CFAP144: variants seen among roughly 807,000 people sequenced by gnomAD.
CFAP144 encodes cilia- and flagella-associated protein 144.
At chr1:43,145,256 G>A in the CFAP144 span, 2 of 1,550,032 alleles carry the variant, frequency 1.3e-6, no homozygotes, top group Non-Finnish European at 1.7e-6. Flanking sequence ...AGAATGAAGA[G>A]GAGAGTGAAG....
chr1:43,151,558 G>A, the CFAP144 span, among the ~76,000 whole-genome samples: 3 of 152,310 alleles, frequency 2.0e-5, no homozygotes, highest in South Asian at 2.1e-4. Flanking sequence ...AGGACATTCC[G>A]AGTTCTATAG....
chr1:43,150,333 T>C, the CFAP144 span, among the ~76,000 whole-genome samples: 1 of 152,222 alleles, frequency 6.6e-6, no homozygotes, highest in Non-Finnish European at 1.5e-5. Flanking sequence ...CATAGATCAC[T>C]GCCTGGCAAA....
chr1:43,150,720 GT>G, the CFAP144 span: 56 of 1,557,676 alleles, frequency 3.6e-5, no homozygotes, highest in Admixed American at 1.7e-4. Flanking sequence ...GGGAACTCAT[GT>G]TTTAATCTGA....
chr1:43,155,642 A>T, the CFAP144 span, among the ~76,000 whole-genome samples: 3 of 152,210 alleles, frequency 2.0e-5, no homozygotes, highest in African/African-American at 7.2e-5. Flanking sequence ...CTTCAGAATG[A>T]AGTAGCTGGG....
At chr1:43,144,468 C>A in the CFAP144 span, among the ~76,000 whole-genome samples, 2 of 152,102 alleles carry the variant, frequency 1.3e-5, no homozygotes, top group African/African-American at 4.8e-5. Flanking sequence ...GAATGACAAG[C>A]AAGCTACCTC....
chr1:43,145,079 G>T, the CFAP144 span: 15 of 606,026 alleles, frequency 2.5e-5, no homozygotes, highest in East Asian at 4.2e-4. Flanking sequence ...CTCCATTCCC[G>T]TCTGGGCAAT....
chr1:43,151,979 C>A, the CFAP144 span, among the ~76,000 whole-genome samples: 1 of 152,174 alleles, frequency 6.6e-6, no homozygotes, highest in East Asian at 1.9e-4. Context: ...TGCTCGCTCT[C>A]TTATATGAAG....
chr1:43,152,719 A>T, the CFAP144 span: 1 of 1,243,526 alleles, frequency 8.0e-7, no homozygotes, highest in Non-Finnish European at 1.1e-6. Context: ...CAAACCTCCA[A>T]GGCACAGATG....
the CFAP144 span, chr1:43,156,285 G>A: frequency 1.6e-3 from 2,537 of 1,613,990 alleles, 8 homozygotes; most frequent in Non-Finnish European, 2.0e-3. Context: ...GCTAAAACGT[G>A]GGGCTTAGGA....
At chr1:43,143,076 C>A in the CFAP144 span, among the ~76,000 whole-genome samples, 1 of 151,946 alleles carries the variant, frequency 6.6e-6, no homozygotes, top group Non-Finnish European at 1.5e-5. Context: ...TATAGTACAC[C>A]ATAGGTAGTT....
At chr1:43,148,614 C>T in the CFAP144 span, among the ~76,000 whole-genome samples, 2 of 152,156 alleles carry the variant, frequency 1.3e-5, no homozygotes, top group South Asian at 2.1e-4. Context: ...AACCACCTCA[C>T]AGCTCCCCTC....
At chr1:43,146,462 G>A in the CFAP144 span, among the ~76,000 whole-genome samples, 2 of 152,102 alleles carry the variant, frequency 1.3e-5, no homozygotes, top group African/African-American at 4.8e-5. Flanking sequence ...ATTAGAAAAA[G>A]ATGTCTTAAA....
At chr1:43,148,054 AC>A in the CFAP144 span, 1 of 1,611,130 alleles carries the variant, frequency 6.2e-7, no homozygotes, top group Middle Eastern at 1.7e-4. Context: ...GAAACTCTAC[AC>A]GCAGTATCAC....
At chr1:43,154,631 C>T in the CFAP144 span, among the ~76,000 whole-genome samples, 15 of 151,842 alleles carry the variant, frequency 9.9e-5, no homozygotes, top group Non-Finnish European at 2.2e-4. Flanking sequence ...TATTCAATGA[C>T]TGTTAAAAAC....
the CFAP144 span, among the ~76,000 whole-genome samples, chr1:43,155,141 A>G: frequency 6.6e-6 from 1 of 152,258 alleles, no homozygotes; most frequent in African/African-American, 2.4e-5. Context: ...AGTAGAGTTC[A>G]TTCAAGGAAA....
the CFAP144 span, chr1:43,147,852 G>C: frequency 1.9e-6 from 3 of 1,554,204 alleles, no homozygotes; most frequent in Non-Finnish European, 2.6e-6. Flanking sequence ...GAGCGCTGTT[G>C]CCTGGAGACC....
the CFAP144 span, among the ~76,000 whole-genome samples, chr1:43,151,515 G>A: frequency 2.6e-5 from 4 of 152,314 alleles, 1 homozygote; most frequent in Admixed American, 6.5e-5. Flanking sequence ...CTTGGAGGAG[G>A]CGACCACAGG....
At chr1:43,150,353 C>T in the CFAP144 span, among the ~76,000 whole-genome samples, 3 of 152,200 alleles carry the variant, frequency 2.0e-5, no homozygotes, top group Middle Eastern at 3.2e-3. Flanking sequence ...ACCTCTTTGG[C>T]CTTCCCCATA....
the CFAP144 span, among the ~76,000 whole-genome samples, chr1:43,154,793 G>A: frequency 1.3e-5 from 2 of 151,972 alleles, no homozygotes; most frequent in East Asian, 1.9e-4. Flanking sequence ...GCCTGGCCTC[G>A]ACTCTGATTA....
Sources: gnomAD v4.1 joint callset for allele counts (sites outside exome capture counted in the v4.1 genomes callset) on GRCh38, gnomAD v4.1.1 for gene constraint, MANE v1.5 for transcripts, NCBI Gene and HGNC (gene_info 2026-07-23, HGNC 2026-07-21) for gene names.